ARHGEF37: variants seen among roughly 807,000 people sequenced by gnomAD.
ARHGEF37 encodes Rho guanine nucleotide exchange factor (GEF) 37.
A neutral mutation model predicts 71.1 loss-of-function variants in ARHGEF37; 55 were observed. The observed-to-expected ratio is 0.77, with a 90% confidence interval of 0.62 to 0.97. The LOEUF (loss-of-function observed/expected upper bound fraction) is 0.97, where lower values mean the gene tolerates loss of function less well. ARHGEF37 is among the 50% of genes least tolerant of loss of function. The pLI, the probability that ARHGEF37 is intolerant of heterozygous loss-of-function variation, is 0.00. For synonymous variants in ARHGEF37, 327 were observed against 350.6 expected, an observed-to-expected ratio of 0.93 and a Z score of 0.75; for missense variants, 765 against 836.8, an observed-to-expected ratio of 0.91 and a Z score of 1.06.
chr5:149,619,137 C>T (rs879108219), intron 7 of ARHGEF37, 95 bp downstream of exon 7: 1 of 1,042,980 alleles, frequency 9.6e-7, no homozygotes, highest in Non-Finnish European at 1.5e-6. Context: ...GGAAAGGCAC[C>T]AGCCTCAGAA....
At chr5:149,622,698 G>A (rs1185366425) in intron 9 of ARHGEF37, among the ~76,000 whole-genome samples, 1 of 152,216 alleles carries the variant, frequency 6.6e-6, no homozygotes, top group Non-Finnish European at 1.5e-5. Flanking sequence ...TCAAGAGCCT[G>A]TAAAAGGAGC....
At chr5:149,624,214 C>A (rs966489648) in intron 10 of ARHGEF37, 74 bp downstream of exon 10, 17 of 1,507,824 alleles carry the variant, frequency 1.1e-5, no homozygotes, top group Non-Finnish European at 1.5e-5. Context: ...CATCCATCCC[C>A]TCTTTCCTTT....
At chr5:149,605,192 A>C (rs984483572) in intron 3 of ARHGEF37, among the ~76,000 whole-genome samples, 1 of 150,490 alleles carries the variant, frequency 6.6e-6, no homozygotes, top group African/African-American at 2.4e-5. Flanking sequence ...GTGCCACTGC[A>C]CTGCAGCCTG....
chr5:149,555,762 A>G (rs1762745762), intron 1 of ARHGEF37, among the ~76,000 whole-genome samples: 1 of 152,144 alleles, frequency 6.6e-6, no homozygotes, highest in African/African-American at 2.4e-5. Flanking sequence ...GTAGAACACA[A>G]ATTAGGACAA....
rs867941012 is a variant in ARHGEF37, at chr5:149,597,628, A to C, written c.-11-131A>C. ...GTACTGCCTACAAATGCTAATAAAC[A>C]GTTCATCTTGACTCTGTTTGCAGCT... On this transcript the variant is annotated intron_variant, in intron 1 of 12. Transcript: ENST00000333677. The C allele has an allele frequency of 7.2e-5, 54 of 753,212 alleles. No homozygotes were observed. In the African/African-American group the frequency reaches 9.0e-4, roughly 12 times the overall value. 46.7% of individuals were successfully genotyped at this position (753,212 alleles called of 1,614,324 possible). A position where few individuals can be genotyped will look rare whatever the true frequency, so the allele number is the denominator to read the frequency against.
At chr5:149,621,082 G>A (rs1049130073) in intron 8 of ARHGEF37, among the ~76,000 whole-genome samples, 3 of 152,120 alleles carry the variant, frequency 2.0e-5, no homozygotes, top group Non-Finnish European at 1.5e-5. Flanking sequence ...AGGCTCAGAG[G>A]GGGTCACCTC....
intron 11 of ARHGEF37, 118 bp downstream of exon 11, chr5:149,627,389 G>A: frequency 1.8e-6 from 2 of 1,120,730 alleles, no homozygotes; most frequent in Non-Finnish European, 2.5e-6. Flanking sequence ...CAGGATGGGA[G>A]TAGGCACAGG....
intron 1 of ARHGEF37, among the ~76,000 whole-genome samples, chr5:149,556,181 GTGT>G (rs1762752896): frequency 6.6e-6 from 1 of 151,838 alleles, no homozygotes; most frequent in Admixed American, 6.6e-5. Flanking sequence ...AGTGTCCCAA[GTGT>G]TGTTTATTTT....
intron 10 of ARHGEF37, among the ~76,000 whole-genome samples, chr5:149,626,448 A>G (rs1011322847): frequency 6.6e-6 from 1 of 152,198 alleles, no homozygotes; most frequent in Admixed American, 6.5e-5. Context: ...ATTTTTGGAT[A>G]AGCTGAAAGT....
In ARHGEF37 at chr5:149,628,806, T is replaced by A; in HGVS notation, c.1661-3T>A. On this transcript the variant is annotated splice_region_variant and splice_polypyrimidine_tract_variant and intron_variant, in intron 11 of 12. Coordinates refer to ENST00000333677, the MANE Select transcript of ARHGEF37 (RefSeq NM_001001669.3). Reference sequence around the variant, plus strand: ...GCCTGCTAACCTTCTGCATGCTCCCTAGGACATCGTGGGTATGTGCCGGCT... The same window carrying A: ...GCCTGCTAACCTTCTGCATGCTCCCAAGGACATCGTGGGTATGTGCCGGCT... 1 of 1,611,944 alleles carries A rather than the reference T, an allele frequency of 6.2e-7. No individual in the cohort carries two copies. The highest frequency in any genetic ancestry group is 8.5e-7 in the Non-Finnish European group (1 of 1,179,108).
At position 149,581,506 on chromosome 5, in the gene ARHGEF37, C is replaced by A. The variant is rs1763105260; in HGVS notation, c.-130C>A. 6.6e-6 allele frequency: 1 copy of A among 152,074 alleles called. No individual in the cohort carries two copies. The allele number at this position is 152,074 out of a possible 1,614,324, so 9.4% of individuals were successfully genotyped here. ...CCGCCAGCGCCCTCGGTGGGCACAGCCACCCGGAGCGGCGCGGGTGCCGGG... is the reference window on the plus strand; with the variant it reads ...CCGCCAGCGCCCTCGGTGGGCACAGACACCCGGAGCGGCGCGGGTGCCGGG... On this transcript the variant is annotated 5_prime_UTR_variant, in exon 1 of 13. Coordinates refer to ENST00000333677, the MANE Select transcript of ARHGEF37 (RefSeq NM_001001669.3).
chr5:149,593,531 G>GGTAC (rs1156734386), intron 1 of ARHGEF37, among the ~76,000 whole-genome samples: 1 of 152,082 alleles, frequency 6.6e-6, no homozygotes, highest in East Asian at 1.9e-4. Context: ...TAGGGGTTGG[G>GGTAC]GTACCAACAT....
At chr5:149,587,481 T>G (rs1242317596) in intron 1 of ARHGEF37, among the ~76,000 whole-genome samples, 2 of 152,174 alleles carry the variant, frequency 1.3e-5, no homozygotes, top group African/African-American at 4.8e-5. Context: ...AACAACCCTG[T>G]AAGAAAGGTT....
At position 149,622,105 on chromosome 5, in the gene ARHGEF37, C is replaced by T; in HGVS notation, c.1335+43C>T. Reference sequence around the variant, plus strand: ...TGGACACCTGTGGGGAGTAGCCAGGCAAGGCCCTGCAGCCCCATCAGCCAG... The same window carrying T: ...TGGACACCTGTGGGGAGTAGCCAGGTAAGGCCCTGCAGCCCCATCAGCCAG... On this transcript the variant is annotated intron_variant, in intron 9 of 12. Coordinates refer to ENST00000333677, the MANE Select transcript of ARHGEF37 (RefSeq NM_001001669.3). 1 of 1,526,668 alleles carries T rather than the reference C, an allele frequency of 6.6e-7. No homozygotes were observed. The highest frequency in any genetic ancestry group is 8.8e-7 in the Non-Finnish European group (1 of 1,131,530). 94.6% of individuals were successfully genotyped at this position (1,526,668 alleles called of 1,614,324 possible). A position where few individuals can be genotyped will look rare whatever the true frequency, so the allele number is the denominator to read the frequency against.
chr5:149,632,172 GC>G lies in ARHGEF37; in HGVS notation c.2010del (p.Trp671GlyfsTer46). On this transcript the variant is annotated frameshift_variant, in exon 13 of 13. Coordinates refer to ENST00000333677, the MANE Select transcript of ARHGEF37 (RefSeq NM_001001669.3). LOFTEE classifies it high-confidence loss of function. Reference protein sequence around the residue: ...LARARSPVLWGWSLPS With the variant: ...LARARSPVLWXWSLPS ...AGGGCTCGGAGCCCAGTTCTGTGGG[GC>G]TGGAGTCTGCCCTCTTAGGGTACCC... 3 of 1,614,206 alleles carry G rather than the reference GC, an allele frequency of 1.9e-6. No homozygotes were observed. The highest frequency in any genetic ancestry group is 2.5e-6 in the Non-Finnish European group (3 of 1,180,044).
In ARHGEF37 at chr5:149,627,287, G is replaced by T. The variant is rs369056573; in HGVS notation, c.1660+16G>T. On this transcript the variant is annotated intron_variant, in intron 11 of 12. Transcript: ENST00000333677. ...GACACCGGGGGTACGTGAGCCTTTG[G>T]GAGCCCTTCTTCTCCTTCGGGGAAA... 1.7e-4 allele frequency: 278 copies of T among 1,609,020 alleles called. No homozygotes were observed. The highest frequency in any genetic ancestry group is 1.2e-3 in the Middle Eastern group (7 of 5,886).
At chr5:149,615,766 C>T (rs1170883907) in intron 4 of ARHGEF37, among the ~76,000 whole-genome samples, 1 of 152,076 alleles carries the variant, frequency 6.6e-6, no homozygotes, top group Non-Finnish European at 1.5e-5. Flanking sequence ...GTGGTGTGCA[C>T]CTGTAATCCC....
chr5:149,624,286 C>A, intron 10 of ARHGEF37, 146 bp downstream of exon 10: 2 of 1,178,414 alleles, frequency 1.7e-6, no homozygotes, highest in Non-Finnish European at 2.3e-6. Flanking sequence ...TCTCTCCTTT[C>A]TATTTGAGCT....
At chr5:149,611,266 C>T (rs1764070446) in intron 4 of ARHGEF37, among the ~76,000 whole-genome samples, 1 of 152,206 alleles carries the variant, frequency 6.6e-6, no homozygotes, top group African/African-American at 2.4e-5. Flanking sequence ...TTCATAGTGA[C>T]AAAGGCTTGT....
Sources: gnomAD v4.1 joint callset for allele counts (sites outside exome capture counted in the v4.1 genomes callset) on GRCh38, gnomAD v4.1.1 for gene constraint, MANE v1.5 for transcripts, NCBI Gene and HGNC (gene_info 2026-07-23, HGNC 2026-07-21) for gene names.